Variants in CRIPTO observed in about 807,000 individuals in gnomAD.
CRIPTO encodes cripto, EGF-CFC family member, also known as protein Cripto.
At chr3:46,579,531 C>A in the CRIPTO span, 1 of 1,313,880 alleles carries the variant, frequency 7.6e-7, no homozygotes, top group Non-Finnish European at 1.1e-6. Context: ...TTTTACTTCC[C>A]TAGAGTGCAG....
chr3:46,577,840 C>A, the CRIPTO span: 8 of 1,084,182 alleles, frequency 7.4e-6, no homozygotes, highest in Admixed American at 1.7e-5. Context: ...CTGGGGAAAA[C>A]GAATTTCTCA....
At chr3:46,580,566 G>A in the CRIPTO span, among the ~76,000 whole-genome samples, 2 of 141,738 alleles carry the variant, frequency 1.4e-5, no homozygotes, top group Admixed American at 7.3e-5. Context: ...CCCTTACCAT[G>A]ACTGGTCACA....
the CRIPTO span, chr3:46,577,882 G>A: frequency 2.2e-6 from 3 of 1,368,578 alleles, no homozygotes; most frequent in Non-Finnish European, 3.1e-6. Flanking sequence ...TTCGCTTTAG[G>A]AGATGAATGT....
chr3:46,577,594 A>C, the CRIPTO span: 1 of 279,138 alleles, frequency 3.6e-6, no homozygotes, highest in Non-Finnish European at 6.8e-6. Flanking sequence ...CTAATGATAG[A>C]GATATTAGGG....
chr3:46,579,323 G>T, the CRIPTO span: 1 of 1,614,036 alleles, frequency 6.2e-7, no homozygotes, highest in Non-Finnish European at 8.5e-7. Flanking sequence ...CTGCAATTCG[G>T]CCTCGGTCTT....
chr3:46,579,180 A>C, the CRIPTO span: 1 of 1,614,142 alleles, frequency 6.2e-7, no homozygotes, highest in Non-Finnish European at 8.5e-7. Flanking sequence ...GATCACTCTC[A>C]ATTTTTATGT....
At chr3:46,581,566 A>G in the CRIPTO span, 3 of 586,526 alleles carry the variant, frequency 5.1e-6, no homozygotes, top group African/African-American at 1.9e-5. Context: ...CTGGACTGCA[A>G]TGACGCGATC....
chr3:46,576,183 T>C, the CRIPTO span, among the ~76,000 whole-genome samples: 2 of 152,274 alleles, frequency 1.3e-5, no homozygotes, highest in East Asian at 1.9e-4. Flanking sequence ...CAAGATCATG[T>C]GTAAGGCCGG....
the CRIPTO span, among the ~76,000 whole-genome samples, chr3:46,576,570 G>T: frequency 6.6e-6 from 1 of 150,936 alleles, no homozygotes; most frequent in Non-Finnish European, 1.5e-5. Flanking sequence ...ATTCACACAG[G>T]TAGGCACTGA....
chr3:46,579,245 G>A, the CRIPTO span: 1 of 1,614,138 alleles, frequency 6.2e-7, no homozygotes, highest in East Asian at 2.2e-5. Flanking sequence ...TGGGCCATCA[G>A]GAATTTGCTC....
chr3:46,579,634 C>A, the CRIPTO span: 13 of 1,318,940 alleles, frequency 9.9e-6, 1 homozygote, highest in Non-Finnish European at 1.4e-5. Context: ...GGCACAGAGA[C>A]TTACTCTGAT....
At chr3:46,577,816 T>G in the CRIPTO span, 1 of 882,944 alleles carries the variant, frequency 1.1e-6, no homozygotes. Context: ...TGCTCCTGCT[T>G]CTGCTACGAC....
the CRIPTO span, chr3:46,581,616 T>C: frequency 1.8e-6 from 1 of 547,260 alleles, no homozygotes; most frequent in Non-Finnish European, 3.2e-6. Context: ...TTCAAGCCAT[T>C]CTCCTGCCTC....
chr3:46,577,722 A>G, the CRIPTO span: 15 of 565,542 alleles, frequency 2.7e-5, no homozygotes, highest in South Asian at 8.3e-5. Context: ...TTGTTGAAGA[A>G]GGAGAATCCC....
the CRIPTO span, chr3:46,582,169 A>T: frequency 6.6e-6 from 1 of 152,224 alleles, no homozygotes; most frequent in African/African-American, 2.4e-5. Flanking sequence ...GCAAGTTTCC[A>T]TCATCTATAG....
chr3:46,578,472 T>G, the CRIPTO span, among the ~76,000 whole-genome samples: 1 of 152,068 alleles, frequency 6.6e-6, no homozygotes, highest in South Asian at 2.1e-4. Context: ...CCTAGCACTT[T>G]GGGAGGCAGA....
the CRIPTO span, chr3:46,581,089 C>T: frequency 6.9e-7 from 1 of 1,442,848 alleles, no homozygotes; most frequent in Non-Finnish European, 9.8e-7. Flanking sequence ...GGATGAACTG[C>T]CAGAGAGGTT....
At chr3:46,576,420 G>A in the CRIPTO span, among the ~76,000 whole-genome samples, 9 of 143,288 alleles carry the variant, frequency 6.3e-5, no homozygotes, top group Admixed American at 6.7e-4. Flanking sequence ...GGTGGAGGTT[G>A]CAGTGAGCCA....
chr3:46,581,029 G>T, the CRIPTO span: 1 of 844,364 alleles, frequency 1.2e-6, no homozygotes. Context: ...AGTGTCCTGA[G>T]AAGAGCAGGT....
Sources: allele counts gnomAD v4.1 joint callset (sites outside exome capture counted in the v4.1 genomes callset), GRCh38; gene constraint gnomAD v4.1.1; transcripts MANE v1.5; gene names NCBI Gene and HGNC (gene_info 2026-07-23, HGNC 2026-07-21).